Variants in AKAP4 observed in about 807,000 individuals in gnomAD.
AKAP4 encodes A-kinase anchoring protein 4, also known as A-kinase anchor protein 4.
In AKAP4, 4 loss-of-function variants were observed where a neutral mutation model predicts 42.6. The ratio of observed to expected loss-of-function variants is 0.09; its 90% CI spans 0.05 to 0.22. AKAP4 has a LOEUF of 0.22. Ranked by LOEUF, AKAP4 falls within the 10% of genes least tolerant of loss-of-function variation. The pLI is 1.00. For missense variants in AKAP4, 551 were observed against 630.7 expected, an observed-to-expected ratio of 0.87 and a Z score of 1.35; for synonymous variants, 223 against 233.0, an observed-to-expected ratio of 0.96 and a Z score of 0.39.
intron 2 of AKAP4, among the ~76,000 whole-genome samples, chrX:50,198,264 G>T (rs566389613): frequency 1.8e-5 from 2 of 111,389 alleles, no homozygotes; most frequent in East Asian, 5.6e-4. Flanking sequence ...AGACTGTGAA[G>T]CCCTGTGAAT....
chrX:50,191,619 GGTGTGTGTGTGTGTGTGTGT>G (rs34737063), intron 5 of AKAP4, among the ~76,000 whole-genome samples: 1 of 85,782 alleles, frequency 1.2e-5, no homozygotes, highest in Non-Finnish European at 2.2e-5. Flanking sequence ...CTGTCAGATA[GGTGTGTGTGTGTGTGTGTGT>G]GTGTGTGTGT....
Position 50,190,995 on chromosome X carries a change from T to C in AKAP4, c.2530A>G (p.Lys844Glu), listed in dbSNP as rs782747951. Reference protein sequence around the residue: ...PDEAVGKVARKQLLDWLLANL With the variant: ...PDEAVGKVAREQLLDWLLANL ...GCGAGCAGCCAGTCCAGCAACTGTT[T>C]CCTGGCCACCTTTCCCACAGCTTCA... The change falls in exon 6 of 6, where the codon AAA becomes GAA. Residue 844 changes from lysine to glutamate, a missense_variant. By Grantham distance (56) the Lys-to-Glu change is moderately conservative. Transcript: ENST00000358526. 2 of 1,208,626 alleles carry C rather than the reference T, an allele frequency of 1.7e-6. No individual in the cohort carries two copies. Among genetic ancestry groups the C allele is most frequent in the African/African-American group, 3.5e-5 (2 of 56,726 alleles).
rs782132242 is a variant in AKAP4, at chrX:50,191,235, T to C, written c.2410-120A>G. On this transcript the variant is annotated intron_variant, in intron 5 of 5. Coordinates refer to ENST00000358526, the MANE Select transcript of AKAP4 (RefSeq NM_003886.3). ...AACCTCCTCACCCACACCCACCACC[T>C]TCCCGCCCATGATTCTAGGATTAGG... The C allele has an allele frequency of 1.3e-3, 975 of 737,829 alleles. 1 individual carries two copies. The highest frequency in any genetic ancestry group is 1.5e-3 in the South Asian group (54 of 35,401). The allele number at this position is 737,829 out of a possible 1,213,427, so 60.8% of individuals were successfully genotyped here. A position where few individuals can be genotyped will look rare whatever the true frequency, so the allele number is the denominator to read the frequency against.
chrX:50,196,065 G>A (rs1377972185), intron 4 of AKAP4, among the ~76,000 whole-genome samples: 3 of 111,849 alleles, frequency 2.7e-5, no homozygotes, highest in African/African-American at 9.7e-5. Context: ...AAAAATTAAT[G>A]CCAGGTATAA....
At chrX:50,191,650 G>GTA (rs1463218204) in intron 5 of AKAP4, among the ~76,000 whole-genome samples, 1 of 59,546 alleles carries the variant, frequency 1.7e-5, no homozygotes, top group Admixed American at 2.3e-4. Flanking sequence ...GTGTGTGTGT[G>GTA]TGTGTGTGTG....
chrX:50,192,722 G>A lies in AKAP4; in HGVS notation c.1991C>T (p.Ala664Val), dbSNP rs143213342. 1.7e-6 allele frequency: 2 copies of A among 1,210,456 alleles called. No individual in the cohort carries two copies. Among genetic ancestry groups the A allele is most frequent in the East Asian group, 3.0e-5 (1 of 33,782 alleles). ...KCSEPRASKA[A>V]SMSNRSDKAE... Reference sequence around the variant, plus strand: ...TTTGTCAGATCTGTTGGACATGGAAGCTGCTTTGCTTGCCCTGGGCTCAGA... The same window carrying A: ...TTTGTCAGATCTGTTGGACATGGAAACTGCTTTGCTTGCCCTGGGCTCAGA... The change falls in exon 5 of 6, where the codon GCT becomes GTT. Residue 664 changes from alanine to valine, a missense_variant. By Grantham distance (64) the Ala-to-Val change is moderately conservative (BLOSUM62 0). Coordinates refer to ENST00000358526, the MANE Select transcript of AKAP4 (RefSeq NM_003886.3).
Position 50,193,507 on chromosome X carries a change from G to T in AKAP4, c.1206C>A (p.Asp402Glu). ...NITGVLMTDS[D>E]FVSAVKRNLF... ...GATTTCTCTTGACAGCTGAGACAAA[G>T]TCTGAGTCAGTCATCAGGACCCCAG... is the stretch of plus-strand genomic sequence containing the variant. Residue 402 changes from aspartate to glutamate, a missense_variant, in exon 5 of 6, where the codon GAC becomes GAA. By Grantham distance (45) the Asp-to-Glu change is conservative. Coordinates refer to ENST00000358526, the MANE Select transcript of AKAP4 (RefSeq NM_003886.3). 4 of 1,211,688 alleles carry T rather than the reference G, an allele frequency of 3.3e-6. No homozygotes were observed. The highest frequency in any genetic ancestry group is 4.5e-6 in the Non-Finnish European group (4 of 895,500).
intron 2 of AKAP4, 48 bp downstream of exon 2, chrX:50,198,609 A>T: frequency 3.0e-6 from 3 of 1,001,739 alleles, no homozygotes; most frequent in Non-Finnish European, 4.2e-6. Context: ...ATCTATACCC[A>T]TATGCCAATT....
At chrX:50,194,505 A>G (rs1935164956) in intron 4 of AKAP4, 69 bp from the exon 5 acceptor site, 1 of 876,259 alleles carries the variant, frequency 1.1e-6, no homozygotes, top group African/African-American at 2.0e-5. Context: ...TTTATTTAGA[A>G]GATGTATCAG....
intron 1 of AKAP4, among the ~76,000 whole-genome samples, chrX:50,199,725 A>G: frequency 1.2e-5 from 1 of 86,647 alleles, no homozygotes; most frequent in African/African-American, 4.3e-5. Context: ...GGGCTATTGA[A>G]TTCCCCCTCC....
intron 4 of AKAP4, among the ~76,000 whole-genome samples, chrX:50,196,533 T>C (rs1557204365): frequency 9.0e-6 from 1 of 111,689 alleles, no homozygotes; most frequent in African/African-American, 3.3e-5. Flanking sequence ...GGTTATGGAT[T>C]GTCTCTGCTC....
chrX:50,192,282 T>C, intron 5 of AKAP4, 22 bp downstream of exon 5: 1 of 1,145,089 alleles, frequency 8.7e-7, no homozygotes, highest in Non-Finnish European at 1.2e-6. Context: ...ACTTTCTTCT[T>C]GTGCCTTAAT....
Position 50,192,895 on chromosome X carries a change from G to A in AKAP4, c.1818C>T (p.Ala606=), listed in dbSNP as rs1260080362. ...LSVKQLESHR[A]PGPSTCQKEN... ...CCTTTTGACAGGTGGATGGTCCAGG[G>A]GCTCTGTGAGATTCTAGTTGTTTCA... The change falls in exon 5 of 6, where the codon GCC becomes GCT. Residue 606 remains alanine, a synonymous_variant. Coordinates refer to ENST00000358526, the MANE Select transcript of AKAP4 (RefSeq NM_003886.3). 1.7e-6 allele frequency: 2 copies of A among 1,211,740 alleles called. No individual in the cohort carries two copies. The highest frequency in any genetic ancestry group is 1.1e-6 in the Non-Finnish European group (1 of 895,441).
In AKAP4 at chrX:50,192,707, C is replaced by G; in HGVS notation, c.2006G>C (p.Arg669Thr). 1 of 1,212,098 alleles carries G rather than the reference C, an allele frequency of 8.3e-7. No individual in the cohort carries two copies. Among genetic ancestry groups the G allele is most frequent in the Non-Finnish European group, 1.1e-6 (1 of 895,629 alleles). ...GCATTGTTCTTCCGCTTTGTCAGAT[C>G]TGTTGGACATGGAAGCTGCTTTGCT... ...RASKAASMSNRSDKAEEQCQE... is the reference protein window; with the variant it reads ...RASKAASMSNTSDKAEEQCQE... Residue 669 changes from arginine (R) to threonine (T), a missense_variant, in exon 5 of 6, where the codon AGA becomes ACA. Physicochemically the swap from Arg to Thr is moderately conservative, Grantham distance 71 (BLOSUM62 -1). Transcript: ENST00000358526.
At position 50,197,530 on chromosome X, in the gene AKAP4, C is replaced by A. The variant is rs782743499; in HGVS notation, c.174+14G>T. 8.4e-7 allele frequency: 1 copy of A among 1,193,406 alleles called. No individual in the cohort carries two copies. The highest frequency in any genetic ancestry group is 1.7e-5 in the African/African-American group (1 of 57,207). ...GCTTCCCACCGATTCTGACTCTGAG[C>A]AGAGAATACGCACCTTGTAATCTTT... On this transcript the variant is annotated intron_variant, in intron 3 of 5. Coordinates refer to ENST00000358526, the MANE Select transcript of AKAP4 (RefSeq NM_003886.3).
intron 5 of AKAP4, among the ~76,000 whole-genome samples, chrX:50,191,979 C>T (rs1318535788): frequency 9.0e-6 from 1 of 111,156 alleles, no homozygotes; most frequent in East Asian, 2.8e-4. Flanking sequence ...GTTCCCTCCT[C>T]TCTAGAGTAC....
Position 50,199,920 on chromosome X carries a change from G to T in AKAP4, c.27+943C>A, listed in dbSNP as rs782009525. On this transcript the variant is annotated intron_variant, in intron 1 of 5. Transcript: ENST00000358526. ...TCCACCCCTTCTCTATTCCCCTACA[G>T]CATATTAATAATAGCTATTCTCTAA... 1.2e-4 allele frequency among the ~76,000 whole-genome samples: 10 copies of T among 85,252 alleles called. No homozygotes were observed. The South Asian group carries it at 8.0e-3, about 69-fold the overall frequency. The allele number at this position is 85,252 out of a possible 115,157, so 74.0% of individuals were successfully genotyped here. A position where few individuals can be genotyped will look rare whatever the true frequency, so the allele number is the denominator to read the frequency against.
rs201625510 is a variant in AKAP4, at chrX:50,194,186, C to T, written c.527G>A (p.Arg176His). ...DYLMNRPQNL[R>H]LEMTAAKNTN... The stretch of plus-strand genomic sequence containing the variant: ...GTTTTTAGCTGCTGTCATTTCTAGA[C>T]GTAGGTTTTGAGGTCTGTTCATCAA... The change falls in exon 5 of 6, where the codon CGT becomes CAT. Residue 176 changes from arginine (R) to histidine (H), a missense_variant. Physicochemically the swap from Arg to His is conservative, Grantham distance 29 (BLOSUM62 0). Transcript: ENST00000358526. The T allele has an allele frequency of 1.6e-5, 19 of 1,209,572 alleles. No individual in the cohort carries two copies. The highest frequency in any genetic ancestry group is 1.2e-4 in the East Asian group (4 of 33,702).
Position 50,192,294 on chromosome X carries a change from C to T in AKAP4, c.2409+10G>A. 1.7e-6 allele frequency: 2 copies of T among 1,172,871 alleles called. No homozygotes were observed. The highest frequency in any genetic ancestry group is 2.3e-6 in the Non-Finnish European group (2 of 875,025). On this transcript the variant is annotated intron_variant, in intron 5 of 5. Transcript: ENST00000358526. ...CCAACTTTCTTCTTGTGCCTTAATG[C>T]ATTACTTACCTTTTCCAGTTGTCCA...
Sources: allele counts gnomAD v4.1 joint callset (sites outside exome capture counted in the v4.1 genomes callset), GRCh38; gene constraint gnomAD v4.1.1; transcripts MANE v1.5; gene names NCBI Gene and HGNC (gene_info 2026-07-23, HGNC 2026-07-21).